The following DAB1 variants were observed in gnomAD, a reference collection of about 807,000 sequenced individuals.
The protein encoded by DAB1 is DAB adaptor protein 1, also known as disabled homolog 1.
A neutral mutation model predicts 64.6 loss-of-function variants in DAB1; 15 were observed. The ratio of observed to expected loss-of-function variants is 0.23; its 90% CI spans 0.16 to 0.36. The LOEUF is 0.36. Ranked by LOEUF, DAB1 falls within the 10% of genes least tolerant of loss-of-function variation. DAB1 has a pLI of 1.00. For synonymous variants in DAB1, 235 were observed against 251.9 expected (o/e 0.93, Z 0.64); for missense variants, 596 against 706.7 (o/e 0.84, Z 1.78).
At chr1:57,313,370 T>C (rs1362189555) in intron 1 of DAB1, among the ~76,000 whole-genome samples, 5 of 152,180 alleles carry the variant, frequency 3.3e-5, no homozygotes, top group Admixed American at 3.3e-4. Flanking sequence ...TTACAAAATG[T>C]GTTAAAAAAA....
At chr1:58,531,056 GAGAT>G (rs371422809) in intron 1 of DAB1, among the ~76,000 whole-genome samples, 31 of 152,308 alleles carry the variant, frequency 2.0e-4, no homozygotes, top group African/African-American at 6.7e-4. Context: ...TAATGAAACT[GAGAT>G]AGAGAGAGGT....
intron 4 of DAB1, among the ~76,000 whole-genome samples, chr1:57,107,377 TAA>T (rs57669509): frequency 0.15 from 20,807 of 138,894 alleles, 2,228 homozygotes; most frequent in East Asian, 0.54. Flanking sequence ...TCTGTTTCAT[TAA>T]AAAAAAAAAA....
intron 6 of DAB1, among the ~76,000 whole-genome samples, chr1:57,753,340 T>A (rs947349237): frequency 6.6e-6 from 1 of 152,204 alleles, no homozygotes; most frequent in Non-Finnish European, 1.5e-5. Context: ...CCACTGGACC[T>A]AATGAGAACT....
At chr1:57,348,022 A>G (rs1175109635) in intron 1 of DAB1, among the ~76,000 whole-genome samples, 1 of 152,188 alleles carries the variant, frequency 6.6e-6, no homozygotes, top group Non-Finnish European at 1.5e-5. Flanking sequence ...GTTCCTTTCT[A>G]GGTGGAATAG....
intron 3 of DAB1, among the ~76,000 whole-genome samples, chr1:58,434,479 A>C (rs1285901010): frequency 6.6e-6 from 1 of 151,910 alleles, no homozygotes; most frequent in Non-Finnish European, 1.5e-5. Context: ...GTTGCTTCCT[A>C]GAGATGGAGG....
chr1:58,142,727 C>T (rs943539756), intron 5 of DAB1, among the ~76,000 whole-genome samples: 22 of 152,202 alleles, frequency 1.4e-4, no homozygotes, highest in African/African-American at 4.6e-4. Flanking sequence ...CTGCCTAATT[C>T]GTTCTCATGC....
chr1:57,951,962 G>A (rs1377858495), intron 5 of DAB1, among the ~76,000 whole-genome samples: 1 of 152,150 alleles, frequency 6.6e-6, no homozygotes, highest in Admixed American at 6.6e-5. Context: ...GTTTCAGAGG[G>A]CAAAAGGAAG....
At chr1:57,771,346 C>T (rs937096212) in intron 6 of DAB1, among the ~76,000 whole-genome samples, 1 of 151,848 alleles carries the variant, frequency 6.6e-6, no homozygotes, top group Non-Finnish European at 1.5e-5. Context: ...GAATAATTAG[C>T]AACCATGAAA....
intron 4 of DAB1, among the ~76,000 whole-genome samples, chr1:58,300,642 GAGAGAGGAAGGAAGGAAGGAAGGAAGGA>G (rs1662137484): frequency 3.9e-5 from 2 of 51,704 alleles, no homozygotes; most frequent in Admixed American, 4.1e-4. Context: ...GAGAGAGAGA[GAGAGAGGAAGGAAGGAAGGAAGGAAGGA>G]AGGAAGGAAG....
intron 1 of DAB1, among the ~76,000 whole-genome samples, chr1:57,304,072 G>A (rs2100708750): frequency 6.6e-6 from 1 of 152,258 alleles, no homozygotes; most frequent in Non-Finnish European, 1.5e-5. Flanking sequence ...AATACCTGAG[G>A]CTCGGTAATT....
At chr1:58,025,091 A>C (rs1459233422) in intron 5 of DAB1, among the ~76,000 whole-genome samples, 6 of 142,440 alleles carry the variant, frequency 4.2e-5, no homozygotes, top group African/African-American at 1.1e-4. Flanking sequence ...TCCTTCCCTC[A>C]CTCCCTTTTT....
chr1:58,214,545 G>C (rs568977308), intron 4 of DAB1, among the ~76,000 whole-genome samples: 3 of 152,122 alleles, frequency 2.0e-5, no homozygotes, highest in Non-Finnish European at 4.4e-5. Flanking sequence ...TTGGACATCT[G>C]GTGAAATGAG....
chr1:58,205,152 A>G (rs1658198104), intron 4 of DAB1, among the ~76,000 whole-genome samples: 1 of 152,214 alleles, frequency 6.6e-6, no homozygotes. Context: ...TCTACAGCCA[A>G]GCAGCACATG....
chr1:58,372,743 T>A (rs1644277644), intron 3 of DAB1, among the ~76,000 whole-genome samples: 1 of 151,890 alleles, frequency 6.6e-6, no homozygotes, highest in Non-Finnish European at 1.5e-5. Context: ...CTCTTGTGAG[T>A]TTTCATGAGA....
Position 57,786,275 on chromosome 1 carries a change from C to T in DAB1, n.551+97724G>A, listed in dbSNP as rs1450191889. Among the ~76,000 whole-genome samples the T allele has an allele frequency of 5.3e-5, 8 of 152,154 alleles. No homozygotes were observed. In the South Asian group the frequency reaches 1.0e-3, roughly 20 times the overall value. ...ACTCTCTTTACTGAGACATGAACTTCGTTGTGGCCTGGCACTGAACCCACA... is the reference window on the plus strand; with the variant it reads ...ACTCTCTTTACTGAGACATGAACTTTGTTGTGGCCTGGCACTGAACCCACA... On this transcript the variant is annotated intron_variant and non_coding_transcript_variant, in intron 6 of 20. Transcript: ENST00000485760.
intron 4 of DAB1, among the ~76,000 whole-genome samples, chr1:57,102,164 T>C (rs528094416): frequency 7.2e-5 from 11 of 152,134 alleles, no homozygotes; most frequent in African/African-American, 1.2e-4. Flanking sequence ...CCCCGGAGGG[T>C]CTTCCCTTCA....
intron 1 of DAB1, among the ~76,000 whole-genome samples, chr1:57,869,661 G>A (rs1320043318): frequency 6.6e-6 from 1 of 152,098 alleles, no homozygotes; most frequent in Non-Finnish European, 1.5e-5. Flanking sequence ...CTCCTTAGAA[G>A]TCCAATGGAG....
intron 1 of DAB1, among the ~76,000 whole-genome samples, chr1:57,326,813 C>A (rs139437025): frequency 6.6e-6 from 1 of 152,166 alleles, no homozygotes; most frequent in Non-Finnish European, 1.5e-5. Flanking sequence ...GAATCCTCAT[C>A]ACCTCCCAAT....
In DAB1 at chr1:57,880,179, C is replaced by T. The variant is rs1158509066; in HGVS notation, n.87+3820G>A. The T allele has an allele frequency of 2.0e-5, 3 of 151,632 alleles. No homozygotes were observed. The East Asian group carries it at 5.8e-4, about 29-fold the overall frequency. The allele number at this position is 151,632 out of a possible 1,614,324, so 9.4% of individuals were successfully genotyped here. ...AGAGGTGAGTTTGGAACTGCAAATC[C>T]TCCCAGCCTCAGGACCTCTCTTTTG... On this transcript the variant is annotated intron_variant and non_coding_transcript_variant, in intron 1 of 1. Coordinates refer to the DAB1 transcript ENST00000477280.
Sources: allele counts gnomAD v4.1 joint callset (sites outside exome capture counted in the v4.1 genomes callset), GRCh38; gene constraint gnomAD v4.1.1; transcripts MANE v1.5; gene names NCBI Gene and HGNC (gene_info 2026-07-23, HGNC 2026-07-21).